PARD3B: variants seen among roughly 807,000 people sequenced by gnomAD.
PARD3B encodes the protein par-3 family cell polarity regulator beta, also known as partitioning defective 3 homolog B.
PARD3B carries 103 observed loss-of-function variants against 130.2 expected under a neutral mutation model. That is an observed-to-expected ratio of 0.79 (90% CI 0.67 to 0.93). The LOEUF (loss-of-function observed/expected upper bound fraction) is 0.93. Ranked by LOEUF, PARD3B falls within the 40% of genes least tolerant of loss-of-function variation. PARD3B has a pLI of 0.00. For missense variants in PARD3B, 1,609 were observed against 1,499.2 expected (o/e 1.07, Z -1.21); for synonymous variants, 583 against 553.2 (o/e 1.05, Z -0.76).
intron 16 of PARD3B, among the ~76,000 whole-genome samples, chr2:205,251,614 T>C (rs1186851872): frequency 1.3e-5 from 2 of 152,180 alleles, no homozygotes; most frequent in East Asian, 3.8e-4. Flanking sequence ...GTCTTATTAT[T>C]CCATACTTTT....
chr2:205,495,938 C>T (rs2049907704), intron 20 of PARD3B, among the ~76,000 whole-genome samples: 1 of 41,770 alleles, frequency 2.4e-5, no homozygotes, highest in Admixed American at 3.5e-4. Flanking sequence ...AACTCATGTA[C>T]AATTCCTATA....
rs1167737083 is a variant in PARD3B at position 205,458,157 on chromosome 2, G to T, written c.3044+17485G>T. Among the ~76,000 whole-genome samples the T allele has an allele frequency of 2.6e-5, 4 of 152,040 alleles. No homozygotes were observed. Among genetic ancestry groups the T allele is most frequent in the African/African-American group, 9.7e-5 (4 of 41,424 alleles). On this transcript the variant is annotated intron_variant, in intron 20 of 22. Coordinates refer to ENST00000406610, the MANE Select transcript of PARD3B (RefSeq NM_001302769.2). The surrounding 1 kb of genome is among the most constrained non-coding windows in gnomAD (Gnocchi z 4.8). ...GGGAGGTATGTTTAAACCTGATTAG[G>T]ATTTGCAGAGCTTCTTAAATCTGTG... is the stretch of plus-strand genomic sequence containing the variant.
intron 5 of PARD3B, among the ~76,000 whole-genome samples, chr2:205,107,067 G>T (rs982605520): frequency 1.3e-5 from 2 of 152,152 alleles, no homozygotes; most frequent in East Asian, 3.9e-4. Flanking sequence ...ACGCATCCAC[G>T]TAGAAGCTAA....
intron 15 of PARD3B, among the ~76,000 whole-genome samples, chr2:205,213,992 T>G (rs1257614807): frequency 6.6e-6 from 1 of 152,092 alleles, no homozygotes; most frequent in Non-Finnish European, 1.5e-5. Flanking sequence ...GAGGGTAAAT[T>G]AGATCAAATT....
intron 16 of PARD3B, among the ~76,000 whole-genome samples, chr2:205,290,299 A>G (rs2041559652): frequency 1.3e-5 from 2 of 152,190 alleles, no homozygotes; most frequent in Non-Finnish European, 2.9e-5. Context: ...TGCTCTACAC[A>G]TAGACTAGAA....
chr2:205,328,096 A>G (rs1305947910), intron 18 of PARD3B, among the ~76,000 whole-genome samples: 2 of 152,192 alleles, frequency 1.3e-5, no homozygotes, highest in African/African-American at 2.4e-5. Context: ...AAGCAATTTT[A>G]CCACCAAATT....
chr2:205,301,240 A>C lies in PARD3B; in HGVS notation c.2393-224A>C, dbSNP rs2041984901. Among the ~76,000 whole-genome samples the C allele has an allele frequency of 1.3e-5, 2 of 152,320 alleles. No individual in the cohort carries two copies. The highest frequency in any genetic ancestry group is 4.8e-5 in the African/African-American group (2 of 41,580). ...CTTGAACACATATCAAGCCTTTCAT[A>C]CTACCAGCTAAGCAACCGGTTGTCC... On this transcript the variant is annotated intron_variant, in intron 17 of 22. Transcript: ENST00000406610. This position sits in a 1 kb window ranked among gnomAD's most constrained non-coding sequence, Gnocchi z 5.2.
chr2:204,802,771 C>T (rs987112457), intron 2 of PARD3B, among the ~76,000 whole-genome samples: 1 of 152,024 alleles, frequency 6.6e-6, no homozygotes, highest in Non-Finnish European at 1.5e-5. Flanking sequence ...TATTCTCACT[C>T]ATAAGTGGCA....
Position 204,861,587 on chromosome 2 carries a change from G to T in PARD3B, c.223-103565G>T, listed in dbSNP as rs182639347. Among the ~76,000 whole-genome samples, 4 of 152,210 alleles carry T rather than the reference G, an allele frequency of 2.6e-5. No individual in the cohort carries two copies. In the East Asian group the frequency reaches 7.7e-4, roughly 29 times the overall value. Reference sequence around the variant, plus strand: ...ATAAGTAAGTTATATTCAGAATAGTGTCACTGGAGATGCCTCTGAGCCACC... The same window carrying T: ...ATAAGTAAGTTATATTCAGAATAGTTTCACTGGAGATGCCTCTGAGCCACC... On this transcript the variant is annotated intron_variant, in intron 2 of 22. Coordinates refer to ENST00000406610, the MANE Select transcript of PARD3B (RefSeq NM_001302769.2).
chr2:205,108,329 C>T (rs1010153038), intron 5 of PARD3B, among the ~76,000 whole-genome samples: 1 of 152,122 alleles, frequency 6.6e-6, no homozygotes, highest in Non-Finnish European at 1.5e-5. Context: ...AATTCTAGAA[C>T]CTGTAGTGAC....
intron 20 of PARD3B, among the ~76,000 whole-genome samples, chr2:205,445,488 T>C (rs2047875534): frequency 6.6e-6 from 1 of 152,042 alleles, no homozygotes. Context: ...AGGTCTTACA[T>C]GGCAGGGGCA....
chr2:204,983,723 A>G (rs974028773), intron 3 of PARD3B, among the ~76,000 whole-genome samples: 6 of 152,228 alleles, frequency 3.9e-5, no homozygotes, highest in Non-Finnish European at 1.5e-5. Flanking sequence ...TGCAAGACAC[A>G]ACATCCTTAT....
chr2:204,986,744 C>T (rs1339625457), intron 3 of PARD3B, among the ~76,000 whole-genome samples: 1 of 152,242 alleles, frequency 6.6e-6, no homozygotes, highest in East Asian at 1.9e-4. Context: ...ATTGGAATGA[C>T]CTTTTCGATG....
At chr2:205,561,974 G>A (rs1243909049) in intron 22 of PARD3B, among the ~76,000 whole-genome samples, 1 of 152,138 alleles carries the variant, frequency 6.6e-6, no homozygotes, top group Non-Finnish European at 1.5e-5. Context: ...ATGGCCCCCT[G>A]ATACCACCTC....
intron 4 of PARD3B, among the ~76,000 whole-genome samples, chr2:205,075,303 G>A (rs1223972462): frequency 1.3e-5 from 2 of 152,068 alleles, no homozygotes; most frequent in Non-Finnish European, 2.9e-5. Flanking sequence ...AAATTTAGAA[G>A]TTTTGTACTA....
chr2:205,265,397 G>A lies in PARD3B; in HGVS notation c.2185+19575G>A, dbSNP rs2040465439. ...ATTTACTTTTGAAATTAATGTGAAG[G>A]GCTCTGTAGCTTCTTTTTCTTCCTT... On this transcript the variant is annotated intron_variant, in intron 16 of 22. Transcript: ENST00000406610. The surrounding 1 kb of genome is among the most constrained non-coding windows in gnomAD (Gnocchi z 4.3). Among the ~76,000 whole-genome samples the A allele has an allele frequency of 6.6e-6, 1 of 151,896 alleles. No individual in the cohort carries two copies. Among genetic ancestry groups the A allele is most frequent in the Admixed American group, 6.6e-5 (1 of 15,224 alleles).
At chr2:204,583,420 A>AACAATGAGATCACATGGTC (rs2032666203) in intron 1 of PARD3B, among the ~76,000 whole-genome samples, 5 of 114,744 alleles carry the variant, frequency 4.4e-5, no homozygotes, top group Non-Finnish European at 9.0e-5. Context: ...GTGGGAATTG[A>AACAATGAGATCACATGGTC]ACAATGAGAT....
intron 2 of PARD3B, among the ~76,000 whole-genome samples, chr2:204,959,087 T>C (rs1424236306): frequency 1.3e-5 from 2 of 152,102 alleles, no homozygotes; most frequent in East Asian, 3.9e-4. Flanking sequence ...CTTTTACCTC[T>C]GCATGCATTA....
At chr2:204,875,200 G>A (rs2045789499) in intron 2 of PARD3B, among the ~76,000 whole-genome samples, 1 of 152,074 alleles carries the variant, frequency 6.6e-6, no homozygotes, top group Non-Finnish European at 1.5e-5. Context: ...CCTAATCTTA[G>A]GACATTTTAA....
Sources: gnomAD v4.1 joint callset for allele counts (sites outside exome capture counted in the v4.1 genomes callset) on GRCh38, gnomAD v4.1.1 for gene constraint, Gnocchi (gnomAD v3.1) non-coding constraint, MANE v1.5 for transcripts, NCBI Gene and HGNC (gene_info 2026-07-23, HGNC 2026-07-21) for gene names.